PRR11: variants seen among roughly 807,000 people sequenced by gnomAD.
The protein encoded by PRR11 is proline rich 11, also known as proline-rich protein 11.
Under a neutral mutation model 45.6 loss-of-function variants are expected in PRR11, and 30 were observed. The observed-to-expected ratio is 0.66, with a 90% CI of 0.49 to 0.89. The LOEUF (loss-of-function observed/expected upper bound fraction) is 0.89, where lower values mean the gene tolerates loss of function less well. Ranked by LOEUF, PRR11 falls within the 40% of genes least tolerant of loss-of-function variation. The probability of loss-of-function intolerance (pLI) is 0.00; values close to 1 mark genes in which losing one functional copy is unlikely to be tolerated. For missense variants in PRR11, 373 were observed against 424.8 expected (o/e 0.88, Z 1.07); for synonymous variants, 128 against 153.5 (o/e 0.83, Z 1.23).
At chr17:59,162,235 C>CAT (rs1489277348) in intron 1 of PRR11, among the ~76,000 whole-genome samples, 4 of 151,222 alleles carry the variant, frequency 2.6e-5, no homozygotes, top group Admixed American at 2.6e-4. Flanking sequence ...CACACACACA[C>CAT]ACACACACAC....
chr17:59,174,786 C>T (rs991784835), intron 2 of PRR11, among the ~76,000 whole-genome samples: 1 of 152,132 alleles, frequency 6.6e-6, no homozygotes, highest in African/African-American at 2.4e-5. Context: ...CTCTAGGAAA[C>T]GCGGTGCGAT....
rs969898058 is a variant in PRR11 at position 59,155,822 on chromosome 17, T to C, written c.-6+17T>C. ...CTTAGACTAGTAAGTGCAGGAACGA[T>C]TATTTCTTTGTTATCTGAGCTCGCG... On this transcript the variant is annotated intron_variant, in intron 1 of 9. Coordinates refer to ENST00000262293, the MANE Select transcript of PRR11 (RefSeq NM_018304.4). The C allele has an allele frequency of 2.0e-5, 3 of 153,722 alleles. No individual in the cohort carries two copies. Among genetic ancestry groups the C allele is most frequent in the African/African-American group, 7.2e-5 (3 of 41,414 alleles). 9.5% of individuals were successfully genotyped at this position (153,722 alleles called of 1,614,324 possible). A position where few individuals can be genotyped will look rare whatever the true frequency, so the allele number is the denominator to read the frequency against.
At chr17:59,194,352 T>A (rs1462879282) in intron 5 of PRR11, among the ~76,000 whole-genome samples, 7 of 151,938 alleles carry the variant, frequency 4.6e-5, no homozygotes, top group Non-Finnish European at 8.8e-5. Flanking sequence ...ATTATACCTC[T>A]CTGATTGTAT....
rs940468852 is a variant in PRR11 at position 59,161,182 on chromosome 17, G to C, written c.-6+5377G>C. Among the ~76,000 whole-genome samples the C allele has an allele frequency of 2.0e-4, 31 of 152,026 alleles. 1 individual carries two copies. Among genetic ancestry groups the C allele is most frequent in the Non-Finnish European group, 1.6e-4 (11 of 68,014 alleles). On this transcript the variant is annotated intron_variant, in intron 1 of 9. Coordinates refer to ENST00000262293, the MANE Select transcript of PRR11 (RefSeq NM_018304.4). ...AGTACTTTGGGAGGCCGAGGGAGGC[G>C]GATAACCTGAGGTCAGCAGTTCAAG... is the stretch of plus-strand genomic sequence containing the variant.
At chr17:59,176,753 G>A (rs2046749112) in intron 2 of PRR11, among the ~76,000 whole-genome samples, 1 of 124,578 alleles carries the variant, frequency 8.0e-6, no homozygotes, top group Non-Finnish European at 1.6e-5. Flanking sequence ...CTGGAATGCA[G>A]TGGCTCAAAC....
chr17:59,173,493 C>T (rs528686864), intron 2 of PRR11, among the ~76,000 whole-genome samples: 4 of 152,276 alleles, frequency 2.6e-5, no homozygotes, highest in East Asian at 1.9e-4. Context: ...AGTGAGACCA[C>T]GAACCCACCG....
Position 59,205,854 on chromosome 17 carries a change from T to G in PRR11, c.*4223T>G, listed in dbSNP as rs559735662. On this transcript the variant is annotated 3_prime_UTR_variant, in exon 10 of 10. Coordinates refer to ENST00000262293, the MANE Select transcript of PRR11 (RefSeq NM_018304.4). ...TGAGGTCAGGAGTTTGAGACCAGCC[T>G]GGCCAACATGGTGAAACCCCGTCTC... Among the ~76,000 whole-genome samples, 64 of 151,444 alleles carry G rather than the reference T, an allele frequency of 4.2e-4. No homozygotes were observed. The highest frequency in any genetic ancestry group is 3.4e-3 in the Middle Eastern group (1 of 294).
chr17:59,206,549 G>T lies in PRR11; in HGVS notation c.*4918G>T. On this transcript the variant is annotated 3_prime_UTR_variant, in exon 10 of 10. Coordinates refer to ENST00000262293, the MANE Select transcript of PRR11 (RefSeq NM_018304.4). ...CAGATTTTATATTGTAACCATTTGA[G>T]AACTCTGTAAGTGCTATGGCTTCCT... Among the ~76,000 whole-genome samples the T allele has an allele frequency of 1.3e-5, 2 of 152,106 alleles. No homozygotes were observed. The highest frequency in any genetic ancestry group is 4.8e-5 in the African/African-American group (2 of 41,416).
chr17:59,185,440 A>T lies in PRR11; in HGVS notation c.280A>T (p.Ser94Cys). 1 of 1,592,420 alleles carries T rather than the reference A, an allele frequency of 6.3e-7. No individual in the cohort carries two copies. Among genetic ancestry groups the T allele is most frequent in the South Asian group, 1.1e-5 (1 of 89,624 alleles). The change falls in exon 4 of 10, where the codon AGT (serine) becomes TGT (cysteine). Residue 94 changes from serine to cysteine, a missense_variant and splice_region_variant. Ser to Cys is a moderately radical substitution (Grantham distance 112). Transcript: ENST00000262293. Reference protein sequence around the residue: ...YSWCQNCITQSLEVLKDTIFP... With the variant: ...YSWCQNCITQCLEVLKDTIFP... ...CAGAATTGTTTATTATTAATTTCAG[A>T]GTTTAGAAGTATTGAAAGACACCAT... is the stretch of plus-strand genomic sequence containing the variant.
At chr17:59,178,855 A>G (rs2046764257) in intron 2 of PRR11, among the ~76,000 whole-genome samples, 1 of 152,186 alleles carries the variant, frequency 6.6e-6, no homozygotes, top group Non-Finnish European at 1.5e-5. Context: ...TCCTCATGAG[A>G]CAGTCACATC....
At chr17:59,187,721 C>G (rs2046820860) in intron 4 of PRR11, among the ~76,000 whole-genome samples, 1 of 150,178 alleles carries the variant, frequency 6.7e-6, no homozygotes, top group Admixed American at 6.7e-5. Flanking sequence ...AAAAGTTAGC[C>G]AGGTGTGATG....
intron 1 of PRR11, among the ~76,000 whole-genome samples, chr17:59,168,652 T>C (rs745812569): frequency 1.3e-5 from 2 of 152,024 alleles, no homozygotes; most frequent in African/African-American, 2.4e-5. Context: ...ATCATGCCAC[T>C]GCACTGCAGC....
chr17:59,186,646 C>T (rs1327598687), intron 4 of PRR11, among the ~76,000 whole-genome samples: 2 of 152,086 alleles, frequency 1.3e-5, no homozygotes, highest in Non-Finnish European at 2.9e-5. Context: ...CCTCCTACCT[C>T]AGCCTCCCAA....
chr17:59,181,687 C>G, intron 2 of PRR11: 1 of 1,549,832 alleles, frequency 6.5e-7, no homozygotes, highest in Non-Finnish European at 8.8e-7. Flanking sequence ...TTGGTCCGAC[C>G]ACTCCCTCTT....
intron 1 of PRR11, among the ~76,000 whole-genome samples, chr17:59,166,107 C>T (rs750888350): frequency 2.6e-5 from 4 of 152,182 alleles, no homozygotes; most frequent in Admixed American, 6.5e-5. Context: ...ACCAAGCCAG[C>T]GCTCAGTTTT....
At chr17:59,179,032 C>T (rs1308418117) in intron 2 of PRR11, among the ~76,000 whole-genome samples, 1 of 152,200 alleles carries the variant, frequency 6.6e-6, no homozygotes, top group Non-Finnish European at 1.5e-5. Flanking sequence ...TGGAGTCTCG[C>T]TCTGTGGGCC....
chr17:59,181,499 G>T, intron 2 of PRR11: 1 of 1,129,514 alleles, frequency 8.9e-7, no homozygotes, highest in Non-Finnish European at 1.3e-6. Context: ...GCTCTCTGGG[G>T]TGTCCTCCTA....
intron 2 of PRR11, among the ~76,000 whole-genome samples, chr17:59,181,012 C>G (rs1390165219): frequency 4.6e-5 from 7 of 151,398 alleles, no homozygotes; most frequent in Non-Finnish European, 7.4e-5. Context: ...TTTTTTGAGA[C>G]AGAGTCTCTC....
intron 4 of PRR11, among the ~76,000 whole-genome samples, chr17:59,193,006 C>G (rs1018525528): frequency 5.3e-5 from 8 of 152,196 alleles, no homozygotes; most frequent in Non-Finnish European, 7.3e-5. Context: ...TATCACTTCC[C>G]AAGCCTCCAG....
Sources: allele counts gnomAD v4.1 joint callset (sites outside exome capture counted in the v4.1 genomes callset), GRCh38; gene constraint gnomAD v4.1.1; transcripts MANE v1.5; gene names NCBI Gene and HGNC (gene_info 2026-07-23, HGNC 2026-07-21).